GPHN: variants seen among roughly 807,000 people sequenced by gnomAD.
GPHN encodes gephyrin.
In GPHN, 17 loss-of-function variants were observed where a neutral mutation model predicts 95.5. The ratio of observed to expected loss-of-function variants is 0.18; its 90% CI spans 0.12 to 0.27. GPHN has a LOEUF of 0.27. GPHN is among the 10% of genes least tolerant of loss of function. The pLI, the probability that GPHN is intolerant of heterozygous loss-of-function variation, is 1.00. For synonymous variants in GPHN, 320 were observed against 322.5 expected, an observed-to-expected ratio of 0.99 and a Z score of 0.08; for missense variants, 660 against 978.1, an observed-to-expected ratio of 0.67 and a Z score of 4.34.
At chr14:66,555,466 T>C (rs765364428) in intron 1 of GPHN, among the ~76,000 whole-genome samples, 10 of 152,136 alleles carry the variant, frequency 6.6e-5, no homozygotes, top group Non-Finnish European at 1.5e-4. Flanking sequence ...ATTTGTTGAA[T>C]GAGTTAATGA....
At chr14:67,462,861 A>G in the GPHN span, among the ~76,000 whole-genome samples, 5 of 152,234 alleles carry the variant, frequency 3.3e-5, no homozygotes, top group Non-Finnish European at 7.3e-5. Flanking sequence ...TGGCCTGGGG[A>G]GAAGAGGACC....
chr14:67,109,125 T>C (rs1466927880), intron 13 of GPHN, among the ~76,000 whole-genome samples: 1 of 152,186 alleles, frequency 6.6e-6, no homozygotes, highest in Non-Finnish European at 1.5e-5. Context: ...GGTATTTGTT[T>C]ATCAAAACAA....
At chr14:67,376,206 GA>G in the GPHN span, among the ~76,000 whole-genome samples, 1 of 152,116 alleles carries the variant, frequency 6.6e-6, no homozygotes, top group Non-Finnish European at 1.5e-5. Context: ...TTTTCCAGAG[GA>G]GGAAACAAGT....
intron 1 of GPHN, among the ~76,000 whole-genome samples, chr14:66,595,305 C>T (rs1175097234): frequency 6.6e-6 from 1 of 152,128 alleles, no homozygotes; most frequent in Non-Finnish European, 1.5e-5. Context: ...TAGTGTATGT[C>T]CAAAGGAAAT....
the GPHN span, chr14:67,653,473 C>T: frequency 6.2e-7 from 1 of 1,613,994 alleles, no homozygotes. Context: ...CCGACTTTTG[C>T]TCAAGTTTTC....
intron 4 of GPHN, among the ~76,000 whole-genome samples, chr14:66,874,637 C>A (rs1385927237): frequency 2.6e-5 from 4 of 151,954 alleles, no homozygotes; most frequent in African/African-American, 9.7e-5. Context: ...CCGAATCAAT[C>A]AAGCCAAAGA....
intron 1 of GPHN, among the ~76,000 whole-genome samples, chr14:66,513,067 A>T (rs2058099746): frequency 6.6e-6 from 1 of 151,682 alleles, no homozygotes; most frequent in African/African-American, 2.4e-5. Flanking sequence ...TATTTTGTGA[A>T]TTTTTTGTTG....
chr14:67,413,384 G>C, the GPHN span, among the ~76,000 whole-genome samples: 1 of 152,214 alleles, frequency 6.6e-6, no homozygotes, highest in African/African-American at 2.4e-5. Flanking sequence ...TTGTGGGCAT[G>C]AGTCATGGGG....
chr14:67,657,522 CA>C, the GPHN span, among the ~76,000 whole-genome samples: 1 of 152,114 alleles, frequency 6.6e-6, no homozygotes, highest in Non-Finnish European at 1.5e-5. Flanking sequence ...GTAGCCTTGT[CA>C]GGCCAGAATT....
In GPHN at chr14:66,508,185, T is replaced by A. The variant is rs927979145; in HGVS notation, c.-343T>A. 4.7e-5 allele frequency: 23 copies of A among 488,598 alleles called. No individual in the cohort carries two copies. Among genetic ancestry groups the A allele is most frequent in the African/African-American group, 4.3e-4 (22 of 51,098 alleles). The allele number at this position is 488,598 out of a possible 1,614,324, so 30.3% of individuals were successfully genotyped here. ...TCCTGCCATCTAGCTGCCTTGGGTC[T>A]CGCGCTCCGCAGAGCGTTCCGACAC... On this transcript the variant is annotated 5_prime_UTR_variant, in exon 1 of 23. Coordinates refer to ENST00000478722, the MANE Select transcript of GPHN (RefSeq NM_020806.5).
the GPHN span, among the ~76,000 whole-genome samples, chr14:67,417,403 T>C: frequency 1.1e-4 from 16 of 152,254 alleles, no homozygotes; most frequent in African/African-American, 3.6e-4. Context: ...GGAGTGAGCA[T>C]TGGTAATCAA....
the GPHN span, chr14:67,473,828 C>T: frequency 9.3e-6 from 15 of 1,613,594 alleles, no homozygotes; most frequent in Non-Finnish European, 1.2e-5. This position sits in a 1 kb window ranked among gnomAD's most constrained non-coding sequence, Gnocchi z 6.5. Flanking sequence ...TCACCACGAA[C>T]TCCCAGGCCG....
the GPHN span, among the ~76,000 whole-genome samples, chr14:67,666,839 C>T: frequency 2.6e-5 from 4 of 152,206 alleles, no homozygotes; most frequent in African/African-American, 9.7e-5. Flanking sequence ...TATTAAACAA[C>T]TGTATACTGT....
intron 2 of GPHN, among the ~76,000 whole-genome samples, chr14:66,773,438 C>A: frequency 6.7e-6 from 1 of 149,168 alleles, no homozygotes; most frequent in Non-Finnish European, 1.5e-5. Flanking sequence ...ACTGCAACCT[C>A]TGTCTCCCGG....
chr14:67,657,644 G>A, the GPHN span, among the ~76,000 whole-genome samples: 1 of 151,634 alleles, frequency 6.6e-6, no homozygotes, highest in Non-Finnish European at 1.5e-5. Flanking sequence ...AAGGGACCCA[G>A]CTCACAGAGG....
chr14:66,763,611 G>A (rs560983180), intron 2 of GPHN, among the ~76,000 whole-genome samples: 1 of 151,530 alleles, frequency 6.6e-6, no homozygotes, highest in South Asian at 2.1e-4. Flanking sequence ...TGGTGTATAT[G>A]TGCCACATTT....
the GPHN span, chr14:67,381,829 T>A: frequency 1.7e-6 from 1 of 573,816 alleles, no homozygotes; most frequent in Non-Finnish European, 3.0e-6. Context: ...GAGCAGTGGT[T>A]CTTGGTAATA....
intron 10 of GPHN, among the ~76,000 whole-genome samples, chr14:67,044,886 C>T (rs2074921863): frequency 6.6e-6 from 1 of 151,816 alleles, no homozygotes; most frequent in African/African-American, 2.4e-5. Context: ...CTTGCTCTCC[C>T]TCCCTCTCTT....
At chr14:67,668,518 A>C in the GPHN span, among the ~76,000 whole-genome samples, 1 of 152,236 alleles carries the variant, frequency 6.6e-6, no homozygotes, top group Non-Finnish European at 1.5e-5. Flanking sequence ...AAAGTAATGA[A>C]AATGTGGACA....
Sources: gnomAD v4.1 joint callset for allele counts (sites outside exome capture counted in the v4.1 genomes callset) on GRCh38, gnomAD v4.1.1 for gene constraint, Gnocchi (gnomAD v3.1) non-coding constraint, MANE v1.5 for transcripts, NCBI Gene and HGNC (gene_info 2026-07-23, HGNC 2026-07-21) for gene names.